Variants in PTPN14 observed in about 807,000 individuals in gnomAD.
The protein encoded by PTPN14 is protein tyrosine phosphatase non-receptor type 14.
PTPN14 carries 53 observed loss-of-function variants against 126.8 expected under a neutral mutation model. The ratio of observed to expected loss-of-function variants is 0.42; its 90% CI spans 0.34 to 0.53. The LOEUF (loss-of-function observed/expected upper bound fraction) is 0.53, where lower values mean the gene tolerates loss of function less well. PTPN14 is among the 20% of genes least tolerant of loss of function. PTPN14 has a pLI of 0.08. For missense variants in PTPN14, 1,257 were observed against 1,552.9 expected, an observed-to-expected ratio of 0.81 and a Z score of 3.20; for synonymous variants, 630 against 599.3, an observed-to-expected ratio of 1.05 and a Z score of -0.75.
intron 1 of PTPN14, among the ~76,000 whole-genome samples, chr1:214,508,255 T>G (rs1654891024): frequency 6.6e-6 from 1 of 152,156 alleles, no homozygotes; most frequent in Non-Finnish European, 1.5e-5. Flanking sequence ...CACAGTAGAG[T>G]ATCTTTCCAA....
At chr1:214,420,327 G>A (rs778935967) in intron 3 of PTPN14, among the ~76,000 whole-genome samples, 6 of 152,138 alleles carry the variant, frequency 3.9e-5, no homozygotes, top group Non-Finnish European at 8.8e-5. Context: ...GATTTTCTTG[G>A]CAAACGTTCA....
chr1:214,379,877 G>C (rs1175060638), intron 13 of PTPN14, among the ~76,000 whole-genome samples: 1 of 152,182 alleles, frequency 6.6e-6, no homozygotes, highest in Non-Finnish European at 1.5e-5. Flanking sequence ...CGACCACCTT[G>C]GGCACATGTC....
intron 16 of PTPN14, among the ~76,000 whole-genome samples, chr1:214,370,894 C>T (rs1297184789): frequency 6.6e-6 from 1 of 152,124 alleles, no homozygotes; most frequent in Non-Finnish European, 1.5e-5. Flanking sequence ...TAGAGTTCCT[C>T]TTGTAAAGCC....
At chr1:214,501,101 T>C (rs1654682538) in intron 1 of PTPN14, among the ~76,000 whole-genome samples, 1 of 152,232 alleles carries the variant, frequency 6.6e-6, no homozygotes, top group Non-Finnish European at 1.5e-5. Context: ...AATAATGTGA[T>C]AAATAGCGCA....
chr1:214,447,125 G>A (rs77989226), intron 3 of PTPN14, among the ~76,000 whole-genome samples: 1,860 of 152,210 alleles, frequency 0.012, 16 homozygotes, highest in Non-Finnish European at 0.019. Context: ...GGATAACAGC[G>A]GATGACTGGA....
intron 1 of PTPN14, among the ~76,000 whole-genome samples, chr1:214,482,544 T>C (rs1313543998): frequency 1.3e-5 from 2 of 149,682 alleles, no homozygotes; most frequent in African/African-American, 2.5e-5. Flanking sequence ...CATAGAGGCA[T>C]GCCGTAGATG....
chr1:214,425,898 C>T (rs950062314), intron 3 of PTPN14, among the ~76,000 whole-genome samples: 30 of 151,964 alleles, frequency 2.0e-4, no homozygotes, highest in Non-Finnish European at 7.4e-5. Flanking sequence ...CATTTATCCA[C>T]GGGGAAACGG....
intron 1 of PTPN14, among the ~76,000 whole-genome samples, chr1:214,492,009 CTT>C (rs1661261159): frequency 6.6e-6 from 1 of 152,140 alleles, no homozygotes; most frequent in African/African-American, 2.4e-5. Flanking sequence ...TGACTTGTCG[CTT>C]CCATTTTCAG....
intron 3 of PTPN14, among the ~76,000 whole-genome samples, chr1:214,428,981 T>C (rs1659738548): frequency 6.6e-6 from 1 of 152,366 alleles, no homozygotes; most frequent in African/African-American, 2.4e-5. Context: ...TGAAGTTTCT[T>C]GTTTCTATGA....
chr1:214,442,661 T>C (rs551279125), intron 3 of PTPN14, among the ~76,000 whole-genome samples: 1 of 152,308 alleles, frequency 6.6e-6, no homozygotes, highest in African/African-American at 2.4e-5. Context: ...TATTTTACTA[T>C]TTGTTTTCCC....
At chr1:214,401,554 G>C in intron 7 of PTPN14, 131 bp downstream of exon 7, 1 of 738,196 alleles carries the variant, frequency 1.4e-6, no homozygotes, top group Non-Finnish European at 2.2e-6. Flanking sequence ...ATAATAAATT[G>C]GACTTGCCAA....
chr1:214,409,888 A>G (rs1030281087), intron 5 of PTPN14, among the ~76,000 whole-genome samples: 31 of 152,028 alleles, frequency 2.0e-4, no homozygotes, highest in African/African-American at 7.0e-4. Context: ...TTCAATTTGC[A>G]TTTCCCTGAT....
intron 1 of PTPN14, among the ~76,000 whole-genome samples, chr1:214,475,804 G>A (rs1397457625): frequency 2.0e-5 from 3 of 152,110 alleles, no homozygotes; most frequent in Non-Finnish European, 4.4e-5. Context: ...TGAGGCTAAA[G>A]AGAGGAAATA....
At chr1:214,409,121 C>T (rs1449361975) in intron 5 of PTPN14, among the ~76,000 whole-genome samples, 4 of 152,160 alleles carry the variant, frequency 2.6e-5, no homozygotes, top group Non-Finnish European at 5.9e-5. Flanking sequence ...TTAAAATCTA[C>T]TCTTTTAGCA....
intron 1 of PTPN14, among the ~76,000 whole-genome samples, chr1:214,523,976 A>C (rs374607816): frequency 6.6e-6 from 1 of 151,578 alleles, no homozygotes; most frequent in Non-Finnish European, 1.5e-5. Context: ...CAGCCTCCCA[A>C]GTAGCTAGGA....
chr1:214,367,346 C>T (rs2102514339), intron 17 of PTPN14, among the ~76,000 whole-genome samples: 1 of 152,314 alleles, frequency 6.6e-6, no homozygotes, highest in Non-Finnish European at 1.5e-5. Context: ...TCCAATCATC[C>T]TTCTACTCTC....
chr1:214,415,916 A>C, intron 3 of PTPN14, among the ~76,000 whole-genome samples: 1 of 152,184 alleles, frequency 6.6e-6, no homozygotes, highest in East Asian at 1.9e-4. Context: ...GGCTAGAAAA[A>C]ATCACGAAGC....
At chr1:214,482,914 C>A (rs2102677506) in intron 1 of PTPN14, 1 of 1,595,944 alleles carries the variant, frequency 6.3e-7, no homozygotes, top group Non-Finnish European at 8.6e-7. Context: ...ACAGCACAGG[C>A]TGGAGCTCCC....
chr1:214,416,158 C>T (rs1012823581), intron 3 of PTPN14, among the ~76,000 whole-genome samples: 11 of 152,308 alleles, frequency 7.2e-5, no homozygotes, highest in African/African-American at 2.4e-4. Context: ...TGAGTAGTAT[C>T]TTGGAGAGTG....
Sources: allele counts gnomAD v4.1 joint callset (sites outside exome capture counted in the v4.1 genomes callset), GRCh38; gene constraint gnomAD v4.1.1; transcripts MANE v1.5; gene names NCBI Gene and HGNC (gene_info 2026-07-23, HGNC 2026-07-21).